Variants in MYBL1 observed in about 807,000 individuals in gnomAD.
MYBL1 encodes the protein MYB proto-oncogene like 1.
A neutral mutation model predicts 96.3 loss-of-function variants in MYBL1; 17 were observed. The observed-to-expected ratio is 0.18, with a 90% CI of 0.12 to 0.26. MYBL1 has a LOEUF of 0.26. Ranked by LOEUF, MYBL1 falls within the 10% of genes least tolerant of loss-of-function variation. MYBL1 has a pLI of 1.00. For missense variants in MYBL1, 701 were observed against 882.9 expected (o/e 0.79, Z 2.61); for synonymous variants, 282 against 292.7 (o/e 0.96, Z 0.37).
chr8:66,595,256 C>T (rs556210149), intron 6 of MYBL1, among the ~76,000 whole-genome samples: 1 of 152,144 alleles, frequency 6.6e-6, no homozygotes, highest in African/African-American at 2.4e-5. Flanking sequence ...ATAAGCAATA[C>T]TATAATTACG....
Position 66,564,582 on chromosome 8 carries a change from T to C in MYBL1, c.*115A>G, listed in dbSNP as rs1261949600. The C allele has an allele frequency of 2.5e-6, 2 of 804,110 alleles. No individual in the cohort carries two copies. Among genetic ancestry groups the C allele is most frequent in the South Asian group, 3.6e-5 (1 of 27,532 alleles). The allele number at this position is 804,110 out of a possible 1,614,324, so 49.8% of individuals were successfully genotyped here. ...TATAGAATAGAAAAAAGATGCTGTA[T>C]TAAAAGGGCTATCTTACAACTTTAA... On this transcript the variant is annotated 3_prime_UTR_variant, in exon 16 of 16. Transcript: ENST00000522677.
chr8:66,587,701 C>G (rs971443882), intron 8 of MYBL1, among the ~76,000 whole-genome samples: 1 of 152,126 alleles, frequency 6.6e-6, no homozygotes, highest in Non-Finnish European at 1.5e-5. Flanking sequence ...GAGGGAACTC[C>G]AAACTTTCTG....
intron 1 of MYBL1, among the ~76,000 whole-genome samples, chr8:66,602,902 C>G (rs752154508): frequency 3.3e-5 from 5 of 151,152 alleles, no homozygotes; most frequent in Non-Finnish European, 7.4e-5. Flanking sequence ...CCCACCACTA[C>G]GCCCAGCTAA....
At chr8:66,597,244 A>G in intron 5 of MYBL1, 86 bp downstream of exon 5, 1 of 959,724 alleles carries the variant, frequency 1.0e-6, no homozygotes, top group Non-Finnish European at 1.5e-6. Flanking sequence ...AAAATAAGTC[A>G]TCGGGGACTT....
chr8:66,574,858 C>T (rs1808871531), intron 10 of MYBL1, among the ~76,000 whole-genome samples: 1 of 152,152 alleles, frequency 6.6e-6, no homozygotes, highest in African/African-American at 2.4e-5. Context: ...AGTTCAAGAC[C>T]AGCCTGACCA....
At position 66,563,159 on chromosome 8, in the gene MYBL1, A is replaced by G. The variant is rs539504557; in HGVS notation, c.*1538T>C. The G allele has an allele frequency of 6.6e-6, 1 of 152,664 alleles. No individual in the cohort carries two copies. The highest frequency in any genetic ancestry group is 1.5e-5 in the Non-Finnish European group (1 of 68,006). 9.5% of individuals were successfully genotyped at this position (152,664 alleles called of 1,614,324 possible). On this transcript the variant is annotated 3_prime_UTR_variant, in exon 16 of 16. Coordinates refer to ENST00000522677, the MANE Select transcript of MYBL1 (RefSeq NM_001080416.4). ...GTTGATTCCATTTAGTTAACTTGAGAACTTGCCATCATTTGTTTTTTATCT... is the reference window on the plus strand; with the variant it reads ...GTTGATTCCATTTAGTTAACTTGAGGACTTGCCATCATTTGTTTTTTATCT...
chr8:66,573,935 A>G (rs1167508885), intron 10 of MYBL1, among the ~76,000 whole-genome samples: 1 of 151,858 alleles, frequency 6.6e-6, no homozygotes, highest in African/African-American at 2.4e-5. Flanking sequence ...GGCTTTTTCT[A>G]TGAGAGTATT....
In MYBL1 at chr8:66,602,507, C is replaced by A. The variant is rs1810116773; in HGVS notation, c.37G>T (p.Asp13Tyr). Residue 13 changes from aspartate (D) to tyrosine (Y), a missense_variant, in exon 2 of 16, where the codon GAC becomes TAC. Asp to Tyr is a radical substitution (Grantham distance 160, BLOSUM62 -3). Coordinates refer to ENST00000522677, the MANE Select transcript of MYBL1 (RefSeq NM_001080416.4). ...KRSRSEDEDD[D>Y]LQYADHDYEV... ...TAATCATGATCGGCATACTGAAGGT[C>A]ATCATCCTCATCCTCACTACAAAAA... 2 of 1,599,772 alleles carry A rather than the reference C, an allele frequency of 1.3e-6. No homozygotes were observed. Among genetic ancestry groups the A allele is most frequent in the South Asian group, 2.2e-5 (2 of 89,146 alleles).
At chr8:66,608,701 T>G (rs1810416035) in intron 1 of MYBL1, among the ~76,000 whole-genome samples, 1 of 152,184 alleles carries the variant, frequency 6.6e-6, no homozygotes, top group African/African-American at 2.4e-5. Flanking sequence ...TGTCTACTTT[T>G]ACATAATCTT....
At position 66,570,308 on chromosome 8, in the gene MYBL1, T is replaced by C. The variant is rs538273452; in HGVS notation, c.1728+2174A>G. 5.3e-5 allele frequency among the ~76,000 whole-genome samples: 8 copies of C among 151,428 alleles called. No homozygotes were observed. In the South Asian group the frequency reaches 1.7e-3, roughly 31 times the overall value. ...ACCTATTACAAATATACTTTTGTTT[T>C]TGTCTTTTTTTTTTTTTTTCAAACA... is the stretch of plus-strand genomic sequence containing the variant. On this transcript the variant is annotated intron_variant, in intron 12 of 15. Coordinates refer to ENST00000522677, the MANE Select transcript of MYBL1 (RefSeq NM_001080416.4).
chr8:66,595,512 G>T, intron 6 of MYBL1, 71 bp downstream of exon 6: 1 of 983,276 alleles, frequency 1.0e-6, no homozygotes, highest in Non-Finnish European at 1.4e-6. Flanking sequence ...GTCCTATTAA[G>T]AAACCAAACA....
chr8:66,564,737 T>C lies in MYBL1; in HGVS notation c.2219A>G (p.Tyr740Cys). ...TEQARRYLST[Y>C]TATSSTSRAL... ...TCTTGAAGTACTACTGGTAGCTGTGTAAGTACTCAGATATCTTCTTGCTTG... is the reference window on the plus strand; with the variant it reads ...TCTTGAAGTACTACTGGTAGCTGTGCAAGTACTCAGATATCTTCTTGCTTG... Residue 740 changes from tyrosine (Y) to cysteine (C), a missense_variant, in exon 16 of 16, where the codon TAC (tyrosine) becomes TGC (cysteine). Tyr to Cys is a radical substitution (Grantham distance 194). This residue lies in a region of MYBL1 where 137 missense variants were observed against 137.5 expected (regional missense o/e 1.00). Transcript: ENST00000522677. 1 of 1,585,426 alleles carries C rather than the reference T, an allele frequency of 6.3e-7. No homozygotes were observed. The highest frequency in any genetic ancestry group is 8.6e-7 in the Non-Finnish European group (1 of 1,162,930).
At chr8:66,575,315 T>A (rs187365643) in intron 10 of MYBL1, among the ~76,000 whole-genome samples, 5 of 152,340 alleles carry the variant, frequency 3.3e-5, no homozygotes, top group African/African-American at 4.8e-5. Flanking sequence ...TAAGGCCACT[T>A]TAATCTTTAT....
chr8:66,570,114 G>A (rs1808669962), intron 12 of MYBL1, among the ~76,000 whole-genome samples: 1 of 152,088 alleles, frequency 6.6e-6, no homozygotes. Flanking sequence ...GATATTCTAG[G>A]AATTTTAATT....
intron 8 of MYBL1, among the ~76,000 whole-genome samples, chr8:66,591,285 T>G (rs1323463447): frequency 6.6e-6 from 1 of 151,856 alleles, no homozygotes; most frequent in African/African-American, 2.4e-5. Context: ...AGGCGGAGCT[T>G]GCAGTGAGCC....
At chr8:66,601,812 T>A in intron 2 of MYBL1, 43 bp from the exon 3 acceptor site, 2 of 1,022,534 alleles carry the variant, frequency 2.0e-6, no homozygotes, top group South Asian at 1.6e-5. Flanking sequence ...CCCCCCGTCC[T>A]TTTCCTCTAC....
intron 5 of MYBL1, among the ~76,000 whole-genome samples, chr8:66,596,717 T>C (rs1406484804): frequency 6.6e-6 from 1 of 152,168 alleles, no homozygotes; most frequent in Non-Finnish European, 1.5e-5. Flanking sequence ...TCTTCTAAGT[T>C]ATGAATTTTC....
intron 15 of MYBL1, 124 bp downstream of exon 15, chr8:66,565,940 G>C: frequency 1.5e-6 from 1 of 688,240 alleles, no homozygotes; most frequent in Non-Finnish European, 2.3e-6. Flanking sequence ...AATGGTAAAT[G>C]TTTAGTTACT....
chr8:66,580,594 C>T (rs927264786), intron 8 of MYBL1, among the ~76,000 whole-genome samples: 2 of 152,104 alleles, frequency 1.3e-5, no homozygotes, highest in African/African-American at 4.8e-5. Context: ...CATTTACATA[C>T]AACATAAAGT....
Sources: gnomAD v4.1 joint callset for allele counts (sites outside exome capture counted in the v4.1 genomes callset) on GRCh38, gnomAD v4.1.1 for gene constraint, gnomAD v4.1.1 regional missense constraint, MANE v1.5 for transcripts, NCBI Gene and HGNC (gene_info 2026-07-23, HGNC 2026-07-21) for gene names.